Variants in AFAP1 observed in about 807,000 individuals in gnomAD.
AFAP1 encodes actin filament associated protein 1.
AFAP1 carries 75 observed loss-of-function variants against 93.9 expected under a neutral mutation model. That is an observed-to-expected ratio of 0.80 (90% CI 0.66 to 0.97). The LOEUF (loss-of-function observed/expected upper bound fraction) is 0.97. AFAP1 is among the 50% of genes least tolerant of loss of function. AFAP1 has a pLI of 0.00. For missense variants in AFAP1, 1,201 were observed against 1,050.8 expected (o/e 1.14, Z -1.98); for synonymous variants, 517 against 430.7 (o/e 1.20, Z -2.48).
rs745596118 is a variant in AFAP1 at position 7,870,859 on chromosome 4, T to C, written c.127+1093A>G. On this transcript the variant is annotated intron_variant, in intron 2 of 17. Coordinates refer to ENST00000420658, the MANE Select transcript of AFAP1 (RefSeq NM_001134647.2). ...AAATCTAATCGTGTCATACATGGCT[T>C]CATATACTAAAAGAATTCATGTAAA... 2.8e-4 allele frequency among the ~76,000 whole-genome samples: 42 copies of C among 152,288 alleles called. 1 individual carries two copies. The highest frequency in any genetic ancestry group is 8.3e-4 in the South Asian group (4 of 4,826).
chr4:7,899,747 G>A lies in AFAP1; in HGVS notation c.-2-27667C>T, dbSNP rs150340501. ...GTTAGACAGCAGAAGAATAACAAAGGGAAGCATCAGCAGGCTTCGAATATG... is the reference window on the plus strand; with the variant it reads ...GTTAGACAGCAGAAGAATAACAAAGAGAAGCATCAGCAGGCTTCGAATATG... On this transcript the variant is annotated intron_variant, in intron 1 of 17. Coordinates refer to ENST00000420658, the MANE Select transcript of AFAP1 (RefSeq NM_001134647.2). Among the ~76,000 whole-genome samples the A allele has an allele frequency of 2.0e-5, 3 of 152,138 alleles. 1 individual carries two copies. The East Asian group carries it at 5.8e-4, about 29-fold the overall frequency.
At chr4:7,907,949 C>T (rs766494775) in intron 1 of AFAP1, among the ~76,000 whole-genome samples, 4 of 152,168 alleles carry the variant, frequency 2.6e-5, no homozygotes, top group African/African-American at 4.8e-5. Flanking sequence ...AATACATACA[C>T]GCCTATAATC....
At chr4:7,929,633 G>A (rs539046216) in intron 1 of AFAP1, among the ~76,000 whole-genome samples, 2 of 152,276 alleles carry the variant, frequency 1.3e-5, no homozygotes, top group South Asian at 2.1e-4. Context: ...CTGCACCTCT[G>A]GAGCCACACT....
intron 6 of AFAP1, among the ~76,000 whole-genome samples, chr4:7,824,745 A>G (rs984611986): frequency 6.6e-6 from 1 of 152,282 alleles, no homozygotes; most frequent in East Asian, 1.9e-4. Context: ...GAGGCCGGGA[A>G]GGCTGAGGGA....
At chr4:7,769,112 G>A (rs192944252) in intron 16 of AFAP1, 104 bp from the exon 17 acceptor site, 24 of 1,426,244 alleles carry the variant, frequency 1.7e-5, no homozygotes, top group African/African-American at 4.3e-5. Context: ...TTTTGGAAAT[G>A]GGCAAAAATA....
chr4:7,797,759 T>C (rs576497471), intron 10 of AFAP1, among the ~76,000 whole-genome samples: 56 of 152,318 alleles, frequency 3.7e-4, no homozygotes, highest in Non-Finnish European at 6.5e-4. Flanking sequence ...TGTGATCATA[T>C]TACACTGTGG....
At chr4:7,869,528 G>C (rs6839086) in intron 2 of AFAP1, among the ~76,000 whole-genome samples, 1 of 152,126 alleles carries the variant, frequency 6.6e-6, no homozygotes, top group African/African-American at 2.4e-5. Context: ...TGGGCACTCA[G>C]ATTTAAGTTG....
chr4:7,886,153 T>A (rs538200956), intron 1 of AFAP1, among the ~76,000 whole-genome samples: 1 of 152,340 alleles, frequency 6.6e-6, no homozygotes, highest in African/African-American at 2.4e-5. Flanking sequence ...TTGATGACCA[T>A]TATTTGAACG....
In AFAP1 at chr4:7,768,931, C is replaced by T. The variant is rs1331676887; in HGVS notation, c.2331G>A (p.Val777=). Residue 777 remains valine (V), a synonymous_variant, in exon 17 of 18, where the codon GTG becomes GTA. Transcript: ENST00000420658. The part of the protein sequence containing the change: ...SCDTSDTEGP[V]PVNSAAVLKK... Reference sequence around the variant, plus strand: ...TCAAGACGGCCGCGCTGTTCACCGGCACGGGGCCCTCGGTGTCACTGGTGT... The same window carrying T: ...TCAAGACGGCCGCGCTGTTCACCGGTACGGGGCCCTCGGTGTCACTGGTGT... 16 of 1,613,860 alleles carry T rather than the reference C, an allele frequency of 9.9e-6. No individual in the cohort carries two copies. The highest frequency in any genetic ancestry group is 1.4e-5 in the Non-Finnish European group (16 of 1,179,874).
intron 15 of AFAP1, chr4:7,774,036 C>G (rs556391584): frequency 1.3e-5 from 2 of 152,402 alleles, no homozygotes; most frequent in South Asian, 2.1e-4. Context: ...ATCTAAGGAG[C>G]CAGTCTTCCG....
intron 4 of AFAP1, among the ~76,000 whole-genome samples, chr4:7,844,209 T>C (rs1713403942): frequency 1.3e-5 from 2 of 152,080 alleles, no homozygotes; most frequent in African/African-American, 2.4e-5. Flanking sequence ...GATAGGACTT[T>C]TAGGAGGTTA....
At chr4:7,846,882 A>C (rs1032984360) in intron 4 of AFAP1, among the ~76,000 whole-genome samples, 1 of 152,244 alleles carries the variant, frequency 6.6e-6, no homozygotes, top group South Asian at 2.1e-4. Context: ...ATCCAGGAGC[A>C]TAGGCTTGGT....
chr4:7,858,062 G>A (rs1715273253), intron 3 of AFAP1, among the ~76,000 whole-genome samples: 1 of 152,186 alleles, frequency 6.6e-6, no homozygotes, highest in African/African-American at 2.4e-5. Context: ...TTCAAGAGAA[G>A]AATGCTCAGA....
At position 7,874,530 on chromosome 4, in the gene AFAP1, ATTTTTTTTTTTTTTT is replaced by A. The variant is rs71175435; in HGVS notation, c.-2-2465_-2-2451del. On this transcript the variant is annotated intron_variant, in intron 1 of 17. Coordinates refer to ENST00000420658, the MANE Select transcript of AFAP1 (RefSeq NM_001134647.2). ...AGGCACCTACCACCATGCCCAGCTA[ATTTTTTTTTTTTTTT>A]TTTTTTTTTTTTTTTTTTTAGTAGA... Among the ~76,000 whole-genome samples the A allele has an allele frequency of 8.3e-3, 428 of 51,532 alleles. 1 individual carries two copies. Among genetic ancestry groups the A allele is most frequent in the Non-Finnish European group, 0.01 (345 of 33,038 alleles). 33.8% of individuals were successfully genotyped at this position (51,532 alleles called of 152,430 possible). A position where few individuals can be genotyped will look rare whatever the true frequency, so the allele number is the denominator to read the frequency against.
In AFAP1 at chr4:7,905,714, C is replaced by T. The variant is rs560802774; in HGVS notation, c.-2-33634G>A. 4.6e-5 allele frequency among the ~76,000 whole-genome samples: 7 copies of T among 152,308 alleles called. No homozygotes were observed. In the South Asian group the frequency reaches 1.5e-3, roughly 32 times the overall value. On this transcript the variant is annotated intron_variant, in intron 1 of 17. Transcript: ENST00000420658. ...ACTCCAAGGGAAGCACCCTAGGGAA[C>T]ACAGATGACCGCAGCACAGTGACAC...
At chr4:7,788,579 T>C (rs530154903) in intron 11 of AFAP1, 1 of 152,136 alleles carries the variant, frequency 6.6e-6, no homozygotes, top group East Asian at 1.9e-4. Context: ...GAAAATAAAA[T>C]GAAGAAGAAA....
chr4:7,881,297 CT>C (rs1717829115), intron 1 of AFAP1, among the ~76,000 whole-genome samples: 1 of 152,160 alleles, frequency 6.6e-6, no homozygotes, highest in South Asian at 2.1e-4. Flanking sequence ...GCACCCGCCA[CT>C]TGAGTCAAGG....
At chr4:7,798,376 C>A (rs185791438) in intron 10 of AFAP1, among the ~76,000 whole-genome samples, 1,881 of 125,826 alleles carry the variant, frequency 0.015, 56 homozygotes, top group African/African-American at 0.051. Flanking sequence ...GGCTGGCTCA[C>A]GGCACTGCAA....
chr4:7,781,465 A>G lies in AFAP1; in HGVS notation c.1693T>C (p.Ser565Pro), dbSNP rs1367616460. ...KASRLSADKLSSNHYKYPASA... is the reference protein window; with the variant it reads ...KASRLSADKLPSNHYKYPASA... ...GCAGGGTATTTGTAATGGTTAGAGG[A>G]CAGCTTGTCAGCAGACAGCCTAGAG... Residue 565 changes from serine to proline, a missense_variant, in exon 13 of 18, where the codon TCC becomes CCC. Ser to Pro is a moderately conservative substitution (Grantham distance 74). Transcript: ENST00000420658. 6.4e-7 allele frequency: 1 copy of G among 1,552,108 alleles called. No individual in the cohort carries two copies. Among genetic ancestry groups the G allele is most frequent in the Non-Finnish European group, 8.7e-7 (1 of 1,147,068 alleles).
Sources: gnomAD v4.1 joint callset for allele counts (sites outside exome capture counted in the v4.1 genomes callset) on GRCh38, gnomAD v4.1.1 for gene constraint, MANE v1.5 for transcripts, NCBI Gene and HGNC (gene_info 2026-07-23, HGNC 2026-07-21) for gene names.